ARHGEF1: variants seen among roughly 807,000 people sequenced by gnomAD.
ARHGEF1 encodes 115 kDa guanine nucleotide exchange factor.
Under a neutral mutation model 119.7 loss-of-function variants are expected in ARHGEF1, and 40 were observed. That is an observed-to-expected ratio of 0.33 (90% CI 0.26 to 0.44). The LOEUF (loss-of-function observed/expected upper bound fraction) is 0.44, where lower values mean the gene tolerates loss of function less well. Ranked by LOEUF, ARHGEF1 falls within the 20% of genes least tolerant of loss-of-function variation. The pLI is 1.00. For missense variants in ARHGEF1, 976 were observed against 1,268.3 expected, an observed-to-expected ratio of 0.77 and a Z score of 3.50; for synonymous variants, 494 against 521.0, an observed-to-expected ratio of 0.95 and a Z score of 0.71.
chr19:41,920,101 T>TGAC (rs1555852316), upstream of ARHGEF1, among the ~76,000 whole-genome samples: 1 of 106,546 alleles, frequency 9.4e-6, no homozygotes, highest in Admixed American at 1.2e-4. Flanking sequence ...CTCACAGACA[T>TGAC]ACACTCACAG....
In ARHGEF1 at chr19:41,907,264, C is replaced by T. The variant is rs192515803; in HGVS notation, c.*177C>T. 3 of 1,526,386 alleles carry T rather than the reference C, an allele frequency of 2.0e-6. No homozygotes were observed. Among genetic ancestry groups the T allele is most frequent in the East Asian group, 2.5e-5 (1 of 40,626 alleles). The allele number at this position is 1,526,386 out of a possible 1,614,324, so 94.6% of individuals were successfully genotyped here. On this transcript the variant is annotated 3_prime_UTR_variant, in exon 29 of 29. Coordinates refer to ENST00000354532, the MANE Select transcript of ARHGEF1 (RefSeq NM_004706.4). ...GGGGTTACTGGCCCCGCATGAGCCT[C>T]GGCCATCTCTCCCTCCTGCCCTCTG...
At position 41,892,961 on chromosome 19, in the gene ARHGEF1, C is replaced by A; in HGVS notation, c.614+112C>A. On this transcript the variant is annotated intron_variant, in intron 7 of 28. Transcript: ENST00000354532. This position sits in a 1 kb window ranked among gnomAD's most constrained non-coding sequence, Gnocchi z 6.3. ...AGGTTCCCTCTTCAGGGTCAGAGTT[C>A]ATTTCTTGGCACTGGGGGTCTTCCT... is the stretch of plus-strand genomic sequence containing the variant. 7.2e-7 allele frequency: 1 copy of A among 1,389,012 alleles called. No homozygotes were observed. The highest frequency in any genetic ancestry group is 9.4e-7 in the Non-Finnish European group (1 of 1,060,466). The allele number at this position is 1,389,012 out of a possible 1,614,324, so 86.0% of individuals were successfully genotyped here.
chr19:41,900,764 G>A (rs1375622650), intron 14 of ARHGEF1: 2 of 151,444 alleles, frequency 1.3e-5, no homozygotes, highest in African/African-American at 4.9e-5. Context: ...GGGAAAGGCA[G>A]TGGGTTGAGG....
chr19:41,905,337 C>T lies in ARHGEF1; in HGVS notation c.2336+76C>T. ...GCGGGGCAGGCTTCCCTCCACAACT[C>T]CAGAACCGTCTCTGTGTGAGCATGC... On this transcript the variant is annotated intron_variant, in intron 24 of 28. Transcript: ENST00000354532. The surrounding 1 kb of genome is among the most constrained non-coding windows in gnomAD (Gnocchi z 6.4). 1 of 1,293,420 alleles carries T rather than the reference C, an allele frequency of 7.7e-7. No homozygotes were observed. The allele number at this position is 1,293,420 out of a possible 1,614,324, so 80.1% of individuals were successfully genotyped here.
upstream of ARHGEF1, among the ~76,000 whole-genome samples, chr19:41,921,001 G>C (rs569235173): frequency 6.8e-4 from 103 of 152,334 alleles, no homozygotes; most frequent in Non-Finnish European, 2.1e-4. This position sits in a 1 kb window ranked among gnomAD's most constrained non-coding sequence, Gnocchi z 4.4. Context: ...GTCTCCGCAC[G>C]ATGTCCCTGG....
upstream of ARHGEF1, among the ~76,000 whole-genome samples, chr19:41,920,740 G>A (rs1259251280): frequency 1.3e-5 from 2 of 152,216 alleles, no homozygotes; most frequent in Non-Finnish European, 2.9e-5. Flanking sequence ...CTTCTGCCTC[G>A]ACTGCACTGT....
chr19:41,888,377 CG>C lies in ARHGEF1; in HGVS notation c.111+101del. On this transcript the variant is annotated intron_variant, in intron 3 of 28. Coordinates refer to ENST00000354532, the MANE Select transcript of ARHGEF1 (RefSeq NM_004706.4). This position sits in a 1 kb window ranked among gnomAD's most constrained non-coding sequence, Gnocchi z 5.1. ...ATGCTGTCTTCTTGGCCTTTTCCCA[CG>C]GTCTGTCTCATCCTCTCATCTCCCT... 1 of 1,222,896 alleles carries C rather than the reference CG, an allele frequency of 8.2e-7. No homozygotes were observed. The highest frequency in any genetic ancestry group is 1.2e-6 in the Non-Finnish European group (1 of 856,674). The allele number at this position is 1,222,896 out of a possible 1,614,324, so 75.8% of individuals were successfully genotyped here.
chr19:41,917,232 A>T lies in ARHGEF1; in HGVS notation c.1866-5860A>T, dbSNP rs2074806868. 6.6e-6 allele frequency among the ~76,000 whole-genome samples: 1 copy of T among 151,514 alleles called. No homozygotes were observed. On this transcript the variant is annotated intron_variant, in intron 18 of 20. Transcript: ENST00000599589. The surrounding 1 kb of genome is among the most constrained non-coding windows in gnomAD (Gnocchi z 4.8). Reference sequence around the variant, plus strand: ...GTCTTTCTAAATATCTCCATCTCTGAGTGTCTCTGTTTCCCCCATCTCTCT... The same window carrying T: ...GTCTTTCTAAATATCTCCATCTCTGTGTGTCTCTGTTTCCCCCATCTCTCT...
chr19:41,922,828 T>C (rs1555852690), upstream of ARHGEF1, among the ~76,000 whole-genome samples: 3 of 152,160 alleles, frequency 2.0e-5, no homozygotes, highest in East Asian at 5.8e-4. Context: ...TGTGACAAGA[T>C]GCAATCCTGG....
Position 41,903,692 on chromosome 19 carries a change from C to T in ARHGEF1, c.1840-15C>T. 1 of 1,611,696 alleles carries T rather than the reference C, an allele frequency of 6.2e-7. No homozygotes were observed. Among genetic ancestry groups the T allele is most frequent in the Non-Finnish European group, 8.5e-7 (1 of 1,179,928 alleles). On this transcript the variant is annotated splice_polypyrimidine_tract_variant and intron_variant, in intron 19 of 28. Transcript: ENST00000354532. This position sits in a 1 kb window ranked among gnomAD's most constrained non-coding sequence, Gnocchi z 4.2. ...CACTTAGCTTGTCCCCATAATGCTCCCGTCTCTGCCCCAGAGGCTCAAGGA... is the reference window on the plus strand; with the variant it reads ...CACTTAGCTTGTCCCCATAATGCTCTCGTCTCTGCCCCAGAGGCTCAAGGA...
At position 41,906,517 on chromosome 19, in the gene ARHGEF1, G is replaced by T. The variant is rs370594565; in HGVS notation, c.2552G>T (p.Arg851Leu). 6 of 1,581,664 alleles carry T rather than the reference G, an allele frequency of 3.8e-6. No individual in the cohort carries two copies. Among genetic ancestry groups the T allele is most frequent in the African/African-American group, 1.4e-5 (1 of 72,448 alleles). ...GAAGACAATGGGGCGGGGCCTCCTC[G>T]AGATGGGGATGGGGTCCCAGGGGGC... ...AEEDNGAGPP[R>L]DGDGVPGGGP... Residue 851 changes from arginine to leucine, a missense_variant, in exon 27 of 29, where the codon CGA becomes CTA. By Grantham distance (102) the Arg-to-Leu change is moderately radical (BLOSUM62 -2). Around this residue, in one of 3 missense-constraint regions of ARHGEF1, gnomAD observed 171 missense variants for 180.6 expected, o/e 0.95. Coordinates refer to ENST00000354532, the MANE Select transcript of ARHGEF1 (RefSeq NM_004706.4). The surrounding 1 kb of genome is among the most constrained non-coding windows in gnomAD (Gnocchi z 4.5).
Position 41,894,233 on chromosome 19 carries a change from T to A in ARHGEF1, c.671T>A (p.Leu224Gln), listed in dbSNP as rs1555846994. 1 of 1,553,528 alleles carries A rather than the reference T, an allele frequency of 6.4e-7. No homozygotes were observed. The part of the protein sequence containing the change: ...KSAAVVNAIG[L>Q]YMRHLGVRTK... ...GCTGCCGTGGTCAACGCCATTGGCC[T>A]GTACATGCGCCACCTTGGGGTGCGG... The change falls in exon 9 of 29, where the codon CTG becomes CAG. Residue 224 changes from leucine (L) to glutamine (Q), a missense_variant. By Grantham distance (113) the Leu-to-Gln change is moderately radical (BLOSUM62 -2). Coordinates refer to ENST00000354532, the MANE Select transcript of ARHGEF1 (RefSeq NM_004706.4).
downstream of ARHGEF1, chr19:41,909,179 TAG>T (rs1457955610): frequency 3.1e-5 from 38 of 1,231,732 alleles, no homozygotes; most frequent in Non-Finnish European, 3.7e-5. This position sits in a 1 kb window ranked among gnomAD's most constrained non-coding sequence, Gnocchi z 5.2. Context: ...TTGCAGGGTC[TAG>T]AGAGGGAGTG....
intron 1 of ARHGEF1, among the ~76,000 whole-genome samples, chr19:41,926,675 G>T (rs956035304): frequency 1.3e-5 from 2 of 152,118 alleles, no homozygotes; most frequent in Non-Finnish European, 2.9e-5. Flanking sequence ...GAGGCTGCTT[G>T]GCGATGCGGA....
chr19:41,891,223 C>T (rs112135657), intron 4 of ARHGEF1, among the ~76,000 whole-genome samples: 261 of 151,994 alleles, frequency 1.7e-3, no homozygotes, highest in African/African-American at 6.1e-3. Flanking sequence ...GTAGTAGAGA[C>T]AGGCTGCCTG....
At chr19:41,925,175 G>A (rs1030690323) in intron 1 of ARHGEF1, among the ~76,000 whole-genome samples, 36 of 152,206 alleles carry the variant, frequency 2.4e-4, no homozygotes, top group Admixed American at 9.2e-4. Context: ...TCGAAGCCTC[G>A]GTATCTGTTT....
Position 41,902,120 on chromosome 19 carries a change from C to T in ARHGEF1, c.1414+87C>T, listed in dbSNP as rs1555849136. ...CCCTGGGTTCAACCTGCTCGGGAAC[C>T]CCAGGGTTCACATGGGGTGGGGGCA... is the stretch of plus-strand genomic sequence containing the variant. On this transcript the variant is annotated intron_variant, in intron 15 of 28. Coordinates refer to ENST00000354532, the MANE Select transcript of ARHGEF1 (RefSeq NM_004706.4). The surrounding 1 kb of genome is among the most constrained non-coding windows in gnomAD (Gnocchi z 6.5). The T allele has an allele frequency of 3.2e-6, 5 of 1,578,988 alleles. No individual in the cohort carries two copies. The highest frequency in any genetic ancestry group is 4.3e-6 in the Non-Finnish European group (5 of 1,159,148).
At chr19:41,897,372 A>T in intron 13 of ARHGEF1, 2 of 1,113,120 alleles carry the variant, frequency 1.8e-6, no homozygotes, top group Non-Finnish European at 2.2e-6. Context: ...CCCCTCCCCC[A>T]TTTCTCCCAG....
chr19:41,918,489 ACACACACAT>A (rs1442392066), upstream of ARHGEF1, among the ~76,000 whole-genome samples: 3 of 147,396 alleles, frequency 2.0e-5, no homozygotes, highest in Non-Finnish European at 4.5e-5. Context: ...CACGCACACC[ACACACACAT>A]CACACACACA....
Sources: gnomAD v4.1 joint callset for allele counts (sites outside exome capture counted in the v4.1 genomes callset) on GRCh38, gnomAD v4.1.1 for gene constraint, gnomAD v4.1.1 regional missense constraint, Gnocchi (gnomAD v3.1) non-coding constraint, MANE v1.5 for transcripts, NCBI Gene and HGNC (gene_info 2026-07-23, HGNC 2026-07-21) for gene names.